Variants in HDAC4 observed in about 807,000 individuals in gnomAD.
HDAC4 encodes the protein histone deacetylase A.
HDAC4 carries 16 observed loss-of-function variants against 135.1 expected under a neutral mutation model. The ratio of observed to expected loss-of-function variants is 0.12; its 90% CI spans 0.08 to 0.18. HDAC4 has a LOEUF of 0.18. Ranked by LOEUF, HDAC4 falls within the 10% of genes least tolerant of loss-of-function variation. The probability of loss-of-function intolerance (pLI) is 1.00; values close to 1 mark genes in which losing one functional copy is unlikely to be tolerated. For missense variants in HDAC4, 1,143 were observed against 1,511.8 expected (o/e 0.76, Z 4.05); for synonymous variants, 685 against 653.4 (o/e 1.05, Z -0.74).
chr2:239,197,265 A>G (rs1468687964), intron 3 of HDAC4, among the ~76,000 whole-genome samples: 4 of 152,162 alleles, frequency 2.6e-5, no homozygotes, highest in African/African-American at 9.7e-5. Flanking sequence ...CTGAAGGCGC[A>G]ACTCTGTTGT....
At chr2:239,364,740 T>C (rs577635293) in intron 1 of HDAC4, among the ~76,000 whole-genome samples, 3 of 152,372 alleles carry the variant, frequency 2.0e-5, no homozygotes, top group African/African-American at 4.8e-5. Context: ...AAGATCCAAA[T>C]AATACTGATC....
intron 12 of HDAC4, among the ~76,000 whole-genome samples, chr2:239,117,859 G>A (rs759420102): frequency 1.5e-4 from 23 of 152,306 alleles, no homozygotes; most frequent in African/African-American, 2.4e-4. Context: ...TCTCGGCACC[G>A]CATCCGACTG....
At position 239,308,094 on chromosome 2, in the gene HDAC4, C is replaced by A. The variant is rs2052695588; in HGVS notation, c.22+44584G>T. The stretch of plus-strand genomic sequence containing the variant: ...GAGCCGGGCCCATCACAAGCCCTCT[C>A]TGGGCCTTGTCACTCACCCTTCCTA... On this transcript the variant is annotated intron_variant, in intron 2 of 26. Coordinates refer to ENST00000543185, the MANE Select transcript of HDAC4 (RefSeq NM_001378414.1). The surrounding 1 kb of genome is among the most constrained non-coding windows in gnomAD (Gnocchi z 4.2). 6.6e-6 allele frequency among the ~76,000 whole-genome samples: 1 copy of A among 152,218 alleles called. No homozygotes were observed. Among genetic ancestry groups the A allele is most frequent in the African/African-American group, 2.4e-5 (1 of 41,466 alleles).
intron 22 of HDAC4, among the ~76,000 whole-genome samples, chr2:239,076,705 G>A (rs1361025510): frequency 6.6e-6 from 1 of 152,172 alleles, no homozygotes; most frequent in Non-Finnish European, 1.5e-5. Flanking sequence ...CTGGGGCATC[G>A]TCCACACAAA....
At chr2:239,302,690 C>T (rs1453311013) in intron 2 of HDAC4, among the ~76,000 whole-genome samples, 12 of 152,254 alleles carry the variant, frequency 7.9e-5, no homozygotes, top group Admixed American at 3.9e-4. Context: ...ACAGCACCCT[C>T]CACTCTCCCT....
At chr2:239,067,108 G>T in intron 23 of HDAC4, 1 of 559,114 alleles carries the variant, frequency 1.8e-6, no homozygotes, top group Non-Finnish European at 3.2e-6. Context: ...TAGGGGACGA[G>T]GGCAGCCAGC....
Position 239,111,649 on chromosome 2 carries a change from C to T in HDAC4, c.1855G>A (p.Ala619Thr), listed in dbSNP as rs1212726314. The change falls in exon 14 of 27, where the codon GCC (alanine) becomes ACC (threonine). Residue 619 changes from alanine to threonine, a missense_variant. Transcript: ENST00000543185. ...CCGAAGGACACGGGGATGCCGGCGG[C>T]CTCCATGGACGCCTGGTAGTTCCTC... is the stretch of plus-strand genomic sequence containing the variant. ...QLRNYQASME[A>T]AGIPVSFGGH... The T allele has an allele frequency of 6.2e-7, 1 of 1,606,748 alleles. No homozygotes were observed. The highest frequency in any genetic ancestry group is 1.3e-5 in the African/African-American group (1 of 74,902).
intron 6 of HDAC4, among the ~76,000 whole-genome samples, chr2:239,163,481 G>A (rs1182961906): frequency 2.6e-5 from 4 of 152,084 alleles, no homozygotes; most frequent in African/African-American, 9.7e-5. Context: ...ACCCCGTGAG[G>A]ATGGCTGCTG....
chr2:239,306,392 G>T lies in HDAC4; in HGVS notation c.22+46286C>A, dbSNP rs1456173175. 6.6e-6 allele frequency among the ~76,000 whole-genome samples: 1 copy of T among 152,110 alleles called. No homozygotes were observed. Among genetic ancestry groups the T allele is most frequent in the African/African-American group, 2.4e-5 (1 of 41,420 alleles). On this transcript the variant is annotated intron_variant, in intron 2 of 26. Coordinates refer to ENST00000543185, the MANE Select transcript of HDAC4 (RefSeq NM_001378414.1). This position sits in a 1 kb window ranked among gnomAD's most constrained non-coding sequence, Gnocchi z 4.5. ...TTCCAGTGGACACGAGGACCTCAGA[G>T]GCCACCTGGCCAGGCCCCATCCACG...
intron 16 of HDAC4, among the ~76,000 whole-genome samples, chr2:239,098,906 G>A (rs549009746): frequency 2.5e-4 from 38 of 152,332 alleles, no homozygotes; most frequent in African/African-American, 9.1e-4. Flanking sequence ...TCACAGGAAT[G>A]TGAACAGATT....
chr2:239,337,863 G>A (rs1221568539), intron 2 of HDAC4, among the ~76,000 whole-genome samples: 3 of 152,084 alleles, frequency 2.0e-5, no homozygotes, highest in South Asian at 4.1e-4. Context: ...GTCCAGGCTC[G>A]GGACAATTAC....
chr2:239,153,209 A>G (rs1426813132), intron 7 of HDAC4, among the ~76,000 whole-genome samples: 1 of 152,254 alleles, frequency 6.6e-6, no homozygotes, highest in Admixed American at 6.5e-5. Flanking sequence ...CATGCAAAAA[A>G]TGCATGGGGT....
chr2:239,265,638 T>G (rs965009828), intron 2 of HDAC4, among the ~76,000 whole-genome samples: 7 of 152,144 alleles, frequency 4.6e-5, no homozygotes, highest in African/African-American at 1.7e-4. Flanking sequence ...CACGAGGTGA[T>G]GCCAATGCTC....
chr2:239,104,523 C>T (rs926913303), intron 15 of HDAC4, among the ~76,000 whole-genome samples: 3 of 152,248 alleles, frequency 2.0e-5, no homozygotes, highest in Non-Finnish European at 4.4e-5. Flanking sequence ...AGCCACCGCA[C>T]CTGGCCAGGG....
At chr2:239,399,543 T>C (rs1396233790) in intron 1 of HDAC4, among the ~76,000 whole-genome samples, 1 of 152,188 alleles carries the variant, frequency 6.6e-6, no homozygotes, top group Non-Finnish European at 1.5e-5. Flanking sequence ...CACGATCATA[T>C]TACAAAAGAA....
chr2:239,089,378 G>C (rs1405947754), intron 18 of HDAC4, among the ~76,000 whole-genome samples: 1 of 152,116 alleles, frequency 6.6e-6, no homozygotes, highest in South Asian at 2.1e-4. Context: ...ACCCAGGCTG[G>C]AGTGCAATGG....
At chr2:239,325,658 G>C (rs971783104) in intron 2 of HDAC4, among the ~76,000 whole-genome samples, 12 of 152,308 alleles carry the variant, frequency 7.9e-5, no homozygotes, top group African/African-American at 2.6e-4. Context: ...AAACACTTTG[G>C]TGGTTTCTAA....
chr2:239,090,082 G>A lies in HDAC4; in HGVS notation c.2315C>T (p.Ser772Leu), dbSNP rs2036364610. Residue 772 changes from serine (S) to leucine (L), a missense_variant, in exon 18 of 27, where the codon TCG becomes TTG. Ser to Leu is a moderately radical substitution (Grantham distance 145, BLOSUM62 -2). Coordinates refer to ENST00000543185, the MANE Select transcript of HDAC4 (RefSeq NM_001378414.1). Reference protein sequence around the residue: ...DSDTIWNEVHSAGAARLAVGC... With the variant: ...DSDTIWNEVHLAGAARLAVGC... ...CACAGCCAGGCGGGCTGCCCCCGCCGAGTGCACCTCGTTCCATATGGTGTC... is the reference window on the plus strand; with the variant it reads ...CACAGCCAGGCGGGCTGCCCCCGCCAAGTGCACCTCGTTCCATATGGTGTC... 6.2e-7 allele frequency: 1 copy of A among 1,613,748 alleles called. No homozygotes were observed. Among genetic ancestry groups the A allele is most frequent in the South Asian group, 1.1e-5 (1 of 91,080 alleles).
Position 239,342,646 on chromosome 2 carries a change from C to T in HDAC4, c.22+10032G>A, listed in dbSNP as rs191435440. Reference sequence around the variant, plus strand: ...TCCCAACAGCTCTACAGCTGCCCGTCAGCATGGAACCACACTGGGTCCTGA... The same window carrying T: ...TCCCAACAGCTCTACAGCTGCCCGTTAGCATGGAACCACACTGGGTCCTGA... On this transcript the variant is annotated intron_variant, in intron 2 of 26. Transcript: ENST00000543185. Among the ~76,000 whole-genome samples the T allele has an allele frequency of 3.3e-5, 5 of 152,310 alleles. No individual in the cohort carries two copies. In the East Asian group the frequency reaches 9.6e-4, roughly 29 times the overall value.
Sources: gnomAD v4.1 joint callset for allele counts (sites outside exome capture counted in the v4.1 genomes callset) on GRCh38, gnomAD v4.1.1 for gene constraint, Gnocchi (gnomAD v3.1) non-coding constraint, MANE v1.5 for transcripts, NCBI Gene and HGNC (gene_info 2026-07-23, HGNC 2026-07-21) for gene names.